CMTM4: variants seen among roughly 807,000 people sequenced by gnomAD.
CMTM4 encodes CKLF-like MARVEL transmembrane domain-containing protein 4.
In CMTM4, 8 loss-of-function variants were observed where a neutral mutation model predicts 19.0. The ratio of observed to expected loss-of-function variants is 0.42; its 90% CI spans 0.25 to 0.76. The LOEUF is 0.76. CMTM4 is among the 30% of genes least tolerant of loss of function. The probability of loss-of-function intolerance (pLI) is 0.27; values close to 1 mark genes in which losing one functional copy is unlikely to be tolerated. For missense variants in CMTM4, 228 were observed against 290.2 expected (o/e 0.79, Z 1.56); for synonymous variants, 106 against 121.1 (o/e 0.88, Z 0.82).
At chr16:66,661,716 G>C (rs1241341367) in intron 1 of CMTM4, among the ~76,000 whole-genome samples, 1 of 152,112 alleles carries the variant, frequency 6.6e-6, no homozygotes, top group Non-Finnish European at 1.5e-5. Context: ...GATCACCTGA[G>C]GTCAGAAGTT....
At chr16:66,693,636 T>C (rs1411925090) in intron 1 of CMTM4, among the ~76,000 whole-genome samples, 1 of 152,172 alleles carries the variant, frequency 6.6e-6, no homozygotes, top group African/African-American at 2.4e-5. Context: ...CACCCACATA[T>C]AACCTCTCAG....
At chr16:66,606,963 C>T in the CMTM4 span, among the ~76,000 whole-genome samples, 7 of 152,234 alleles carry the variant, frequency 4.6e-5, no homozygotes, top group Non-Finnish European at 1.0e-4. Flanking sequence ...CACTGCACTC[C>T]AGCCTGGGAG....
chr16:66,682,680 C>T (rs1276732400), intron 1 of CMTM4, among the ~76,000 whole-genome samples: 1 of 152,116 alleles, frequency 6.6e-6, no homozygotes, highest in African/African-American at 2.4e-5. Context: ...AGATCGCCAG[C>T]CTCCCTTTGC....
Position 66,630,490 on chromosome 16 carries a change from C to T in CMTM4, c.363+5915G>A, listed in dbSNP as rs1485317964. 7.9e-5 allele frequency among the ~76,000 whole-genome samples: 12 copies of T among 151,718 alleles called. No individual in the cohort carries two copies. In the South Asian group the frequency reaches 1.0e-3, roughly 13 times the overall value. ...AGTGCCTGGGATTGCAGGCGCGCGC[C>T]GCCACGCCTGACTGGTTTTCGTATT... is the stretch of plus-strand genomic sequence containing the variant. On this transcript the variant is annotated intron_variant, in intron 2 of 3. Coordinates refer to ENST00000394106, the MANE Select transcript of CMTM4 (RefSeq NM_181521.3).
chr16:66,613,351 C>A, downstream of CMTM4: 2 of 529,602 alleles, frequency 3.8e-6, no homozygotes, highest in Non-Finnish European at 6.8e-6. Context: ...GAGGGTACAA[C>A]AGTGGCATCA....
intron 1 of CMTM4, among the ~76,000 whole-genome samples, chr16:66,638,102 T>G (rs1218332792): frequency 2.0e-5 from 3 of 152,136 alleles, no homozygotes; most frequent in Non-Finnish European, 4.4e-5. Context: ...CCTGACTGCT[T>G]CTCCCTGCCA....
At chr16:66,639,653 C>T (rs1243150096) in intron 1 of CMTM4, among the ~76,000 whole-genome samples, 1 of 152,016 alleles carries the variant, frequency 6.6e-6, no homozygotes, top group Admixed American at 6.6e-5. Context: ...GAGGTTGAGG[C>T]GGGTGGATTG....
At chr16:66,610,920 T>C (rs2015352671), downstream of CMTM4, 1 of 398,514 alleles carries the variant, frequency 2.5e-6, no homozygotes, top group South Asian at 1.3e-4. This position sits in a 1 kb window ranked among gnomAD's most constrained non-coding sequence, Gnocchi z 4.6. Context: ...ATGCCACTCA[T>C]CCCATCCCGT....
chr16:66,609,732 T>A, the CMTM4 span: 19 of 1,564,520 alleles, frequency 1.2e-5, no homozygotes, highest in Non-Finnish European at 1.4e-5. The surrounding 1 kb of genome is among the most constrained non-coding windows in gnomAD (Gnocchi z 4.4). Flanking sequence ...AGTTCACAGC[T>A]CATTTTCCCA....
intron 1 of CMTM4, among the ~76,000 whole-genome samples, chr16:66,648,009 G>A (rs355966): frequency 0.049 from 7,439 of 152,280 alleles, 297 homozygotes; most frequent in East Asian, 0.11. Flanking sequence ...TGTCATTAGG[G>A]TTGTAGGAGT....
In CMTM4 at chr16:66,678,157, C is replaced by G. The variant is rs150276476; in HGVS notation, c.186+18183G>C. Among the ~76,000 whole-genome samples the G allele has an allele frequency of 3.3e-5, 5 of 152,240 alleles. No homozygotes were observed. The East Asian group carries it at 9.6e-4, about 29-fold the overall frequency. On this transcript the variant is annotated intron_variant, in intron 1 of 3. Transcript: ENST00000394106. ...CACCACTGTACTCTAGCTTGGGCAA[C>G]ACAGTGAGGCCTCATCTCTAAAAAC...
chr16:66,627,342 G>A (rs1035861324), intron 2 of CMTM4, among the ~76,000 whole-genome samples: 3 of 152,118 alleles, frequency 2.0e-5, no homozygotes, highest in Non-Finnish European at 4.4e-5. Flanking sequence ...ACATGCATAC[G>A]CAAAAGACTG....
At chr16:66,626,721 G>A (rs1476231285) in intron 2 of CMTM4, among the ~76,000 whole-genome samples, 2 of 151,166 alleles carry the variant, frequency 1.3e-5, no homozygotes, top group African/African-American at 4.9e-5. Flanking sequence ...TGTGAGCCCA[G>A]ATTGCGCCAC....
At chr16:66,658,225 G>A (rs1486108859) in intron 1 of CMTM4, among the ~76,000 whole-genome samples, 1 of 134,444 alleles carries the variant, frequency 7.4e-6, no homozygotes, top group Non-Finnish European at 1.6e-5. Flanking sequence ...GGTAGGGAGG[G>A]AGGGAAGGAG....
downstream of CMTM4, among the ~76,000 whole-genome samples, chr16:66,610,498 G>A (rs540012489): frequency 1.1e-4 from 17 of 152,300 alleles, no homozygotes; most frequent in South Asian, 2.5e-3. This position sits in a 1 kb window ranked among gnomAD's most constrained non-coding sequence, Gnocchi z 4.6. Context: ...AACAGGAGCC[G>A]ATAGAGGGAG....
chr16:66,669,692 C>T (rs1271325757), intron 1 of CMTM4, among the ~76,000 whole-genome samples: 1 of 152,136 alleles, frequency 6.6e-6, no homozygotes, highest in Non-Finnish European at 1.5e-5. Context: ...CAGACACTCG[C>T]TACCATGCCT....
chr16:66,607,430 A>G, the CMTM4 span, among the ~76,000 whole-genome samples: 114 of 152,360 alleles, frequency 7.5e-4, no homozygotes, highest in African/African-American at 2.7e-3. Flanking sequence ...TCTTATCATT[A>G]TGAAAATTTG....
At chr16:66,600,136 G>GTGGTTT in the CMTM4 span, among the ~76,000 whole-genome samples, 297 of 135,112 alleles carry the variant, frequency 2.2e-3, 4 homozygotes, top group East Asian at 5.2e-3. Flanking sequence ...GTGTGTGTGT[G>GTGGTTT]TTTTTTTTTG....
intron 1 of CMTM4, among the ~76,000 whole-genome samples, chr16:66,666,483 A>C (rs934350353): frequency 4.6e-5 from 7 of 152,204 alleles, no homozygotes; most frequent in African/African-American, 7.2e-5. Context: ...AAAAAGAAGA[A>C]GACAAGCCAC....
Sources: gnomAD v4.1 joint callset for allele counts (sites outside exome capture counted in the v4.1 genomes callset) on GRCh38, gnomAD v4.1.1 for gene constraint, Gnocchi (gnomAD v3.1) non-coding constraint, MANE v1.5 for transcripts, NCBI Gene and HGNC (gene_info 2026-07-23, HGNC 2026-07-21) for gene names.